The following COQ8B variants were observed in gnomAD, a reference collection of about 807,000 sequenced individuals.
COQ8B encodes the protein atypical kinase COQ8B, mitochondrial.
Under a neutral mutation model 62.0 loss-of-function variants are expected in COQ8B, and 44 were observed. The ratio of observed to expected loss-of-function variants is 0.71; its 90% CI spans 0.56 to 0.91. COQ8B has a LOEUF of 0.91. Among genes scored for constraint, COQ8B ranks in the 40% least tolerant of loss-of-function variants. COQ8B has a pLI of 0.00. For missense variants in COQ8B, 649 were observed against 731.6 expected, an observed-to-expected ratio of 0.89 and a Z score of 1.30; for synonymous variants, 252 against 289.9, an observed-to-expected ratio of 0.87 and a Z score of 1.33.
At chr19:40,714,161 TG>T in intron 3 of COQ8B, 28 bp from the exon 4 acceptor site, 1 of 1,613,024 alleles carries the variant, frequency 6.2e-7, no homozygotes, top group Non-Finnish European at 8.5e-7. Context: ...GGTCTGAGGG[TG>T]GGAAAGTGGG....
intron 1 of COQ8B, chr19:40,714,914 T>A: frequency 8.3e-7 from 1 of 1,198,056 alleles, no homozygotes; most frequent in Admixed American, 4.3e-5. Context: ...AGGGGCTACC[T>A]CTCCACTTCT....
intron 1 of COQ8B, chr19:40,714,885 T>G: frequency 1.6e-6 from 2 of 1,269,586 alleles, no homozygotes; most frequent in Non-Finnish European, 9.9e-7. Context: ...CCCCCGTTAC[T>G]AGACACCCAC....
chr19:40,692,019 T>A lies in COQ8B; in HGVS notation c.*16A>T, dbSNP rs1406271148. 5 of 1,578,316 alleles carry A rather than the reference T, an allele frequency of 3.2e-6. No individual in the cohort carries two copies. The highest frequency in any genetic ancestry group is 4.3e-6 in the Non-Finnish European group (5 of 1,161,558). On this transcript the variant is annotated 3_prime_UTR_variant, in exon 15 of 15. Coordinates refer to ENST00000324464, the MANE Select transcript of COQ8B (RefSeq NM_024876.4). ...GGTACGGCCTGCTCTGGGGACTGAA[T>A]CCCCCATGGAGGCTGTCATGAGGGA...
intron 9 of COQ8B, among the ~76,000 whole-genome samples, chr19:40,702,957 C>T (rs1436318649): frequency 6.6e-6 from 1 of 152,186 alleles, no homozygotes; most frequent in Non-Finnish European, 1.5e-5. Flanking sequence ...TCTGTCTACA[C>T]ATTTCCCTCG....
intron 4 of COQ8B, among the ~76,000 whole-genome samples, chr19:40,711,430 C>T (rs2082141186): frequency 6.6e-6 from 1 of 152,092 alleles, no homozygotes; most frequent in African/African-American, 2.4e-5. Flanking sequence ...CACTATGTTG[C>T]CCAGGCTGGT....
In COQ8B at chr19:40,714,571, C is replaced by T. The variant is rs1481731248; in HGVS notation, c.62G>A (p.Gly21Asp). The change falls in exon 2 of 15, where the codon GGT becomes GAT. Residue 21 changes from glycine to aspartate, a missense_variant. Coordinates refer to ENST00000324464, the MANE Select transcript of COQ8B (RefSeq NM_024876.4). ...AGGCCCCAGGGCCCCACAAGGCCAACCAACAGTCTGGCCCAGCTGTCCACC... is the reference window on the plus strand; with the variant it reads ...AGGCCCCAGGGCCCCACAAGGCCAATCAACAGTCTGGCCCAGCTGTCCACC... ...GTGGQLGQTV[G>D]WPCGALGPGP... is the part of the protein sequence containing the mutation. 1.1e-5 allele frequency: 17 copies of T among 1,613,398 alleles called. No homozygotes were observed. Among genetic ancestry groups the T allele is most frequent in the Non-Finnish European group, 1.4e-5 (17 of 1,179,814 alleles).
At position 40,714,143 on chromosome 19, in the gene COQ8B, G is replaced by T; in HGVS notation, c.223-10C>A. 6.2e-7 allele frequency: 1 copy of T among 1,614,176 alleles called. No homozygotes were observed. The highest frequency in any genetic ancestry group is 1.1e-5 in the South Asian group (1 of 91,076). On this transcript the variant is annotated splice_polypyrimidine_tract_variant and intron_variant, in intron 3 of 14. Transcript: ENST00000324464. ...GAGAGCGGTCACTCAGCTGGGAAAT[G>T]GGGACAAGGTCTGAGGGTGGGAAAG... is the stretch of plus-strand genomic sequence containing the variant.
chr19:40,715,231 A>C (rs1237406680), intron 1 of COQ8B: 3 of 985,244 alleles, frequency 3.0e-6, no homozygotes, highest in Non-Finnish European at 3.6e-6. Context: ...CTAGCGATGG[A>C]GCCTGGAATT....
chr19:40,716,223 T>C (rs2144723875), intron 1 of COQ8B, among the ~76,000 whole-genome samples: 1 of 152,170 alleles, frequency 6.6e-6, no homozygotes, highest in African/African-American at 2.4e-5. Context: ...TCTCCCCCAG[T>C]TGACTCAATT....
intron 4 of COQ8B, among the ~76,000 whole-genome samples, chr19:40,712,679 G>A (rs1426306898): frequency 6.6e-6 from 1 of 152,176 alleles, no homozygotes; most frequent in East Asian, 1.9e-4. Context: ...TATGTTTCAC[G>A]AAACAAGACT....
chr19:40,711,339 C>G lies in COQ8B; in HGVS notation c.290-1203G>C, dbSNP rs147721291. 1.7e-3 allele frequency among the ~76,000 whole-genome samples: 256 copies of G among 152,132 alleles called. 2 individuals carry two copies. Among genetic ancestry groups the G allele is most frequent in the African/African-American group, 5.7e-3 (237 of 41,506 alleles). Reference sequence around the variant, plus strand: ...CTCAAATTCCTGAGCTCAAGTGATCCTCTTCCCTCAGCCTCCTGAGTAGCT... The same window carrying G: ...CTCAAATTCCTGAGCTCAAGTGATCGTCTTCCCTCAGCCTCCTGAGTAGCT... On this transcript the variant is annotated intron_variant, in intron 4 of 14. Transcript: ENST00000324464.
intron 10 of COQ8B, among the ~76,000 whole-genome samples, chr19:40,701,910 C>T (rs2082063692): frequency 6.6e-6 from 1 of 152,194 alleles, no homozygotes; most frequent in Non-Finnish European, 1.5e-5. Context: ...CAGGATGCTT[C>T]CAAGATATAA....
intron 12 of COQ8B, among the ~76,000 whole-genome samples, chr19:40,697,839 T>G (rs1428488576): frequency 1.4e-3 from 66 of 47,632 alleles, no homozygotes; most frequent in African/African-American, 5.3e-3. Flanking sequence ...TATATATATA[T>G]ATATATATAT....
At chr19:40,697,851 T>TATATATATAG (rs1446181673) in intron 12 of COQ8B, among the ~76,000 whole-genome samples, 3 of 54,760 alleles carry the variant, frequency 5.5e-5, no homozygotes, top group Non-Finnish European at 3.1e-5. Flanking sequence ...TATATATATA[T>TATATATATAG]AGAGAGAGAG....
chr19:40,695,070 C>T (rs980247722), intron 13 of COQ8B, among the ~76,000 whole-genome samples: 1 of 152,172 alleles, frequency 6.6e-6, no homozygotes, highest in Non-Finnish European at 1.5e-5. Context: ...GTAATCCCAG[C>T]ACTTTGGGAG....
chr19:40,706,704 C>A (rs1169199966), intron 5 of COQ8B, among the ~76,000 whole-genome samples: 1 of 152,316 alleles, frequency 6.6e-6, no homozygotes, highest in South Asian at 2.1e-4. Context: ...AAGGGATCCT[C>A]CCGCCCCAGC....
rs778252136 is a variant in COQ8B at position 40,693,026 on chromosome 19, A to G, written c.1221T>C (p.Ala407=). ...FTDHYIEVVK[A]AADGDRDCVL... is the part of the protein sequence containing the mutation. ...CACAGTCTCTGTCTCCATCAGCTGC[A>G]GCCTTCACCACCTGGGGAGACGGGT... The change falls in exon 14 of 15, where the codon GCT becomes GCC. Residue 407 remains alanine, a synonymous_variant. Transcript: ENST00000324464. 4.3e-6 allele frequency: 7 copies of G among 1,613,830 alleles called. No individual in the cohort carries two copies. The South Asian group carries it at 7.7e-5, about 18-fold the overall frequency.
chr19:40,692,831 C>A, intron 14 of COQ8B, 120 bp downstream of exon 14: 1 of 816,594 alleles, frequency 1.2e-6, no homozygotes, highest in South Asian at 1.7e-5. Flanking sequence ...CCTAGAGTCC[C>A]CCAGTCCCCG....
intron 7 of COQ8B, 21 bp downstream of exon 7, chr19:40,705,075 C>T (rs1198173644): frequency 6.3e-7 from 1 of 1,587,352 alleles, no homozygotes; most frequent in Admixed American, 1.8e-5. Context: ...CCCTCACCGC[C>T]CTCCCCCACT....
Sources: gnomAD v4.1 joint callset for allele counts (sites outside exome capture counted in the v4.1 genomes callset) on GRCh38, gnomAD v4.1.1 for gene constraint, MANE v1.5 for transcripts, NCBI Gene and HGNC (gene_info 2026-07-23, HGNC 2026-07-21) for gene names.